The following RNF10 variants were observed in gnomAD, a reference collection of about 807,000 sequenced individuals.
The protein encoded by RNF10 is ring finger protein 10.
A neutral mutation model predicts 91.4 loss-of-function variants in RNF10; 38 were observed. The observed-to-expected ratio is 0.42, with a 90% CI of 0.32 to 0.54. RNF10 has a LOEUF of 0.54. Ranked by LOEUF, RNF10 falls within the 20% of genes least tolerant of loss-of-function variation. The pLI is 0.16. For missense variants in RNF10, 945 were observed against 1,012.0 expected, an observed-to-expected ratio of 0.93 and a Z score of 0.90; for synonymous variants, 364 against 366.3, an observed-to-expected ratio of 0.99 and a Z score of 0.07.
chr12:120,538,208 G>C (rs1286239110), intron 1 of RNF10, among the ~76,000 whole-genome samples: 1 of 152,202 alleles, frequency 6.6e-6, no homozygotes, highest in Non-Finnish European at 1.5e-5. Flanking sequence ...AAGGTGAAAA[G>C]AGCAAGAGTT....
At chr12:120,558,250 T>G (rs549335877) in intron 6 of RNF10, among the ~76,000 whole-genome samples, 2 of 152,278 alleles carry the variant, frequency 1.3e-5, no homozygotes, top group African/African-American at 4.8e-5. Flanking sequence ...ATTGAAGAAG[T>G]AAATGTAAAA....
chr12:120,563,118 C>A, intron 8 of RNF10, 48 bp downstream of exon 8: 1 of 1,612,148 alleles, frequency 6.2e-7, no homozygotes, highest in South Asian at 1.1e-5. Context: ...CAAATGCTGT[C>A]ATTGAGCTGG....
At chr12:120,569,355 G>T (rs752637201) in intron 13 of RNF10, among the ~76,000 whole-genome samples, 2 of 152,014 alleles carry the variant, frequency 1.3e-5, no homozygotes, top group African/African-American at 4.8e-5. Context: ...TGACCATTTT[G>T]TTCATATGCA....
rs375631535 is a variant in RNF10 at position 120,536,794 on chromosome 12, A to G, written c.157+1826A>G. On this transcript the variant is annotated intron_variant, in intron 1 of 16. Coordinates refer to ENST00000325954, the MANE Select transcript of RNF10 (RefSeq NM_014868.5). The stretch of plus-strand genomic sequence containing the variant: ...GTTCTCCAACTGTGAATTCTCAACT[A>G]ATTTTTCTGGGGCTCCTCTTTAAGC... Among the ~76,000 whole-genome samples the G allele has an allele frequency of 1.8e-4, 27 of 152,310 alleles. No individual in the cohort carries two copies. In the East Asian group the frequency reaches 3.5e-3, roughly 20 times the overall value.
chr12:120,557,240 A>G, intron 4 of RNF10, 42 bp from the exon 5 acceptor site: 23 of 1,597,106 alleles, frequency 1.4e-5, no homozygotes, highest in Non-Finnish European at 2.0e-5. Flanking sequence ...GTCCCTAATC[A>G]GTTCTTCAAG....
chr12:120,554,707 C>G lies in RNF10; in HGVS notation c.555-11C>G. 4 of 1,607,084 alleles carry G rather than the reference C, an allele frequency of 2.5e-6. No individual in the cohort carries two copies. Among genetic ancestry groups the G allele is most frequent in the Non-Finnish European group, 3.4e-6 (4 of 1,174,060 alleles). ...GACAGTCTAGCTTTTTCCTGTCTTT[C>G]CTATTTCTAGCTGCCAATTTGTGGT... On this transcript the variant is annotated splice_polypyrimidine_tract_variant and intron_variant, in intron 3 of 16. Transcript: ENST00000325954.
intron 2 of RNF10, among the ~76,000 whole-genome samples, chr12:120,551,290 G>GT (rs63002361): frequency 0.28 from 23,264 of 82,850 alleles, 4,530 homozygotes; most frequent in East Asian, 0.45. Context: ...CCATCCTAGT[G>GT]TTTTTTTTTT....
Position 120,534,367 on chromosome 12 carries a change from A to G in RNF10, c.-445A>G, listed in dbSNP as rs965970590. On this transcript the variant is annotated 5_prime_UTR_variant, in exon 1 of 17. Transcript: ENST00000325954. ...GGGTTCTTTGAGATGCTGTTTGGCG[A>G]CTCGTCGCCATTCCCGGAGCAGGTC... 1.2e-5 allele frequency: 2 copies of G among 165,686 alleles called. No individual in the cohort carries two copies. Among genetic ancestry groups the G allele is most frequent in the African/African-American group, 4.8e-5 (2 of 41,244 alleles). 10.3% of individuals were successfully genotyped at this position (165,686 alleles called of 1,614,324 possible).
chr12:120,541,896 T>C (rs895534200), intron 1 of RNF10, among the ~76,000 whole-genome samples: 1 of 151,380 alleles, frequency 6.6e-6, no homozygotes, highest in African/African-American at 2.4e-5. Flanking sequence ...AGATGGAGTC[T>C]CACTGTGTCT....
intron 2 of RNF10, among the ~76,000 whole-genome samples, chr12:120,551,541 C>T (rs149220464): frequency 0.045 from 6,871 of 151,770 alleles, 251 homozygotes; most frequent in South Asian, 0.099. Context: ...TCAGGTGATC[C>T]GCCTACCTCA....
intron 1 of RNF10, among the ~76,000 whole-genome samples, chr12:120,544,528 G>A (rs1046631038): frequency 6.6e-6 from 1 of 152,116 alleles, no homozygotes; most frequent in Non-Finnish European, 1.5e-5. Context: ...ATGGTGGTGA[G>A]TGCCTGTAGT....
At chr12:120,552,290 C>G (rs1425401221) in intron 2 of RNF10, among the ~76,000 whole-genome samples, 1 of 151,728 alleles carries the variant, frequency 6.6e-6, no homozygotes, top group Non-Finnish European at 1.5e-5. Flanking sequence ...ATCCCAGCTA[C>G]TCAGGAGGCT....
chr12:120,541,116 C>T (rs558322305), intron 1 of RNF10, among the ~76,000 whole-genome samples: 2 of 152,318 alleles, frequency 1.3e-5, no homozygotes, highest in South Asian at 4.1e-4. Flanking sequence ...CTCGGCCTCC[C>T]AAAGCATTGG....
intron 14 of RNF10, chr12:120,574,754 C>A (rs887543491): frequency 3.6e-6 from 1 of 277,348 alleles, no homozygotes; most frequent in Admixed American, 4.8e-5. Context: ...GGAGAAACCC[C>A]GTCTTTACTA....
chr12:120,567,212 G>A (rs1294089034), intron 13 of RNF10, among the ~76,000 whole-genome samples: 1 of 152,070 alleles, frequency 6.6e-6, no homozygotes, highest in Non-Finnish European at 1.5e-5. Context: ...AGGCAGGATA[G>A]TTGAAAATGG....
intron 15 of RNF10, 28 bp from the exon 16 acceptor site, chr12:120,575,764 C>G: frequency 6.2e-7 from 1 of 1,614,022 alleles, no homozygotes; most frequent in Non-Finnish European, 8.5e-7. Flanking sequence ...AGAGTTGTTT[C>G]TATAGTTTTA....
chr12:120,557,257 A>ACCTT (rs781090142), intron 4 of RNF10, 25 bp from the exon 5 acceptor site: 4 of 1,611,072 alleles, frequency 2.5e-6, no homozygotes, highest in Middle Eastern at 1.7e-4. Context: ...CAAGCAGTGA[A>ACCTT]CCTTCTGGTG....
rs1877334687 is a variant in RNF10, at chr12:120,575,965, TG to T, written c.2359+17del. ...TCCCCTCTCTGGTAAGGGCAGAGGC[TG>T]GAGTGCCCAGGGTTGTCAAACATAC... is the stretch of plus-strand genomic sequence containing the variant. On this transcript the variant is annotated intron_variant, in intron 16 of 16. Coordinates refer to ENST00000325954, the MANE Select transcript of RNF10 (RefSeq NM_014868.5). 1 of 1,612,916 alleles carries T rather than the reference TG, an allele frequency of 6.2e-7. No homozygotes were observed.
intron 1 of RNF10, among the ~76,000 whole-genome samples, chr12:120,539,940 ATTC>A (rs1470049449): frequency 5.3e-5 from 8 of 151,754 alleles, no homozygotes; most frequent in Admixed American, 4.6e-4. Context: ...GGTTTAAGCA[ATTC>A]TTCTGCCTCA....
Sources: gnomAD v4.1 joint callset for allele counts (sites outside exome capture counted in the v4.1 genomes callset) on GRCh38, gnomAD v4.1.1 for gene constraint, MANE v1.5 for transcripts, NCBI Gene and HGNC (gene_info 2026-07-23, HGNC 2026-07-21) for gene names.